Variants in SCOC observed in about 807,000 individuals in gnomAD.
SCOC encodes the protein short coiled-coil protein, also known as short coiled coil protein.
SCOC carries 7 observed loss-of-function variants against 9.9 expected under a neutral mutation model. That is an observed-to-expected ratio of 0.71 (90% CI 0.40 to 1.33). The LOEUF is 1.33. SCOC is among the 40% of genes most tolerant of loss of function. SCOC has a pLI of 0.01. For missense variants in SCOC, 66 were observed against 89.7 expected, an observed-to-expected ratio of 0.74 and a Z score of 1.07; for synonymous variants, 19 against 28.2, an observed-to-expected ratio of 0.67 and a Z score of 1.03.
intron 3 of SCOC, among the ~76,000 whole-genome samples, chr4:140,380,258 C>A (rs1169341160): frequency 7.3e-6 from 1 of 136,684 alleles, no homozygotes; most frequent in Non-Finnish European, 1.5e-5. Flanking sequence ...AGTGCAATGG[C>A]GCAACCTCGG....
At chr4:140,281,395 G>A (rs558971175) in intron 1 of SCOC, among the ~76,000 whole-genome samples, 7 of 152,188 alleles carry the variant, frequency 4.6e-5, no homozygotes, top group Non-Finnish European at 1.0e-4. Flanking sequence ...TTCTGGTAAT[G>A]AGTCCCTCAT....
chr4:140,323,524 A>G (rs1170847199), intron 1 of SCOC, among the ~76,000 whole-genome samples: 6 of 152,158 alleles, frequency 3.9e-5, no homozygotes, highest in Non-Finnish European at 5.9e-5. Flanking sequence ...TGAAGACACA[A>G]TTTCTCAACA....
chr4:140,374,073 G>A (rs1384000312), intron 1 of SCOC: 1 of 493,202 alleles, frequency 2.0e-6, no homozygotes, highest in African/African-American at 1.9e-5. Context: ...GGGGCGTTTG[G>A]GTGGAATGGG....
intron 1 of SCOC, among the ~76,000 whole-genome samples, chr4:140,330,564 A>C (rs1732789846): frequency 6.6e-6 from 1 of 152,244 alleles, no homozygotes; most frequent in Non-Finnish European, 1.5e-5. Context: ...GTGAGCTACA[A>C]ATCAAGATTT....
intron 2 of SCOC, among the ~76,000 whole-genome samples, chr4:140,362,510 G>C (rs779092236): frequency 3.5e-4 from 53 of 150,852 alleles, no homozygotes; most frequent in Non-Finnish European, 7.1e-4. Context: ...GGCCAAGTTG[G>C]TCTGGAACTC....
chr4:140,339,109 C>T (rs1469252060), upstream of SCOC, among the ~76,000 whole-genome samples: 5 of 152,074 alleles, frequency 3.3e-5, no homozygotes, highest in African/African-American at 4.8e-5. Flanking sequence ...GAGATATAGA[C>T]CAATGGAACA....
intron 1 of SCOC, among the ~76,000 whole-genome samples, chr4:140,272,625 A>G (rs1158848152): frequency 6.6e-6 from 1 of 152,224 alleles, no homozygotes; most frequent in East Asian, 1.9e-4. Flanking sequence ...GCCTGGCCAT[A>G]TTAGGCACTT....
chr4:140,300,323 C>T (rs952123024), intron 1 of SCOC, among the ~76,000 whole-genome samples: 2 of 152,214 alleles, frequency 1.3e-5, no homozygotes, highest in African/African-American at 4.8e-5. Flanking sequence ...TCAGTCTGCC[C>T]TGCTCAGGAG....
At chr4:140,263,248 C>T (rs569581739) in intron 1 of SCOC, among the ~76,000 whole-genome samples, 1 of 152,268 alleles carries the variant, frequency 6.6e-6, no homozygotes, top group East Asian at 1.9e-4. Context: ...TGTTTACTTG[C>T]TTGGCAATGA....
intron 1 of SCOC, among the ~76,000 whole-genome samples, chr4:140,320,519 C>T (rs998324062): frequency 3.3e-5 from 5 of 151,950 alleles, no homozygotes; most frequent in East Asian, 1.9e-4. Context: ...GACCAGTTTC[C>T]GGTAACACTA....
At chr4:140,359,879 C>T (rs1727388532) in intron 2 of SCOC, among the ~76,000 whole-genome samples, 1 of 152,188 alleles carries the variant, frequency 6.6e-6, no homozygotes, top group South Asian at 2.1e-4. Flanking sequence ...ACATGCTCTT[C>T]CTCCGCATGG....
At chr4:140,367,160 G>A (rs1276842848) in intron 2 of SCOC, among the ~76,000 whole-genome samples, 4 of 151,808 alleles carry the variant, frequency 2.6e-5, no homozygotes, top group African/African-American at 9.7e-5. Flanking sequence ...AGCCAAAATC[G>A]CACCACTGCA....
chr4:140,364,654 T>C (rs1266827449), intron 2 of SCOC, among the ~76,000 whole-genome samples: 2 of 152,200 alleles, frequency 1.3e-5, no homozygotes, highest in Admixed American at 1.3e-4. Context: ...AAACATCAGC[T>C]GCCAGTCTTA....
intron 2 of SCOC, among the ~76,000 whole-genome samples, chr4:140,360,440 G>A (rs909330205): frequency 5.3e-5 from 8 of 152,190 alleles, no homozygotes; most frequent in Non-Finnish European, 1.0e-4. Flanking sequence ...TGTCCCTCTA[G>A]GTGATGTTCC....
intron 1 of SCOC, among the ~76,000 whole-genome samples, chr4:140,264,637 G>A (rs1206048401): frequency 6.6e-6 from 1 of 152,152 alleles, no homozygotes; most frequent in Non-Finnish European, 1.5e-5. Context: ...TTTAGTGGGT[G>A]GAGGCCAACC....
chr4:140,359,646 C>G (rs1727377156), intron 2 of SCOC, among the ~76,000 whole-genome samples: 1 of 152,306 alleles, frequency 6.6e-6, no homozygotes, highest in Admixed American at 6.5e-5. Context: ...AAATTTACAT[C>G]CTTCCAAATG....
chr4:140,311,301 C>T (rs1372073064), intron 1 of SCOC, among the ~76,000 whole-genome samples: 1 of 152,140 alleles, frequency 6.6e-6, no homozygotes, highest in African/African-American at 2.4e-5. Flanking sequence ...CTCAGTAGCA[C>T]TTGTGAAACT....
chr4:140,308,810 C>G (rs565390983), intron 1 of SCOC, among the ~76,000 whole-genome samples: 2 of 152,304 alleles, frequency 1.3e-5, no homozygotes, highest in East Asian at 3.9e-4. Flanking sequence ...CTGTCTTGTT[C>G]TGTGTGTGTG....
At chr4:140,317,507 C>G (rs937980857) in intron 1 of SCOC, among the ~76,000 whole-genome samples, 1 of 152,094 alleles carries the variant, frequency 6.6e-6, no homozygotes, top group Non-Finnish European at 1.5e-5. Flanking sequence ...GATCACGACC[C>G]TCTCTTGCGG....
Sources: gnomAD v4.1 joint callset for allele counts (sites outside exome capture counted in the v4.1 genomes callset) on GRCh38, gnomAD v4.1.1 for gene constraint, MANE v1.5 for transcripts, NCBI Gene and HGNC (gene_info 2026-07-23, HGNC 2026-07-21) for gene names.